Variants in C1orf167 observed in about 807,000 individuals in gnomAD.
C1orf167 encodes uncharacterized protein C1orf167.
A neutral mutation model predicts 176.5 loss-of-function variants in C1orf167; 153 were observed. The observed-to-expected ratio is 0.87, with a 90% CI of 0.76 to 0.99. C1orf167 has a LOEUF of 0.99. C1orf167 is among the 50% of genes least tolerant of loss of function. The probability of loss-of-function intolerance (pLI) is 0.00; values close to 1 mark genes in which losing one functional copy is unlikely to be tolerated. For missense variants in C1orf167, 1,490 were observed against 1,817.7 expected (o/e 0.82, Z 3.28); for synonymous variants, 594 against 752.7 (o/e 0.79, Z 3.45).
At position 11,788,447 on chromosome 1, in the gene C1orf167, T is replaced by C. The variant is rs934294707; in HGVS notation, c.4078+69T>C. 3.2e-6 allele frequency: 4 copies of C among 1,232,452 alleles called. No individual in the cohort carries two copies. The African/African-American group carries it at 4.7e-5, about 14-fold the overall frequency. 76.3% of individuals were successfully genotyped at this position (1,232,452 alleles called of 1,614,324 possible). The stretch of plus-strand genomic sequence containing the variant: ...ACCTCATACTTAACCCAAACCCCTC[T>C]CAAAAGTATGGCCCTTGGACCTACT... On this transcript the variant is annotated intron_variant, in intron 19 of 20. Coordinates refer to ENST00000688073, the MANE Select transcript of C1orf167 (RefSeq NM_001010881.2).
At chr1:11,787,745 C>T (rs1219423532) in intron 17 of C1orf167, 128 bp from the exon 18 acceptor site, 23 of 1,148,004 alleles carry the variant, frequency 2.0e-5, no homozygotes, top group African/African-American at 4.9e-5. Context: ...GAGATGGGGG[C>T]AGGGCACAAG....
At chr1:11,771,787 C>G (rs1305622324) in intron 7 of C1orf167, among the ~76,000 whole-genome samples, 151 bp downstream of exon 7, 1 of 152,184 alleles carries the variant, frequency 6.6e-6, no homozygotes, top group Non-Finnish European at 1.5e-5. Context: ...TCATTTGAGC[C>G]TCACAGTGAC....
rs1198795250 is a variant in C1orf167, at chr1:11,766,061, A to G, written c.275A>G (p.Gln92Arg). Residue 92 changes from glutamine to arginine, a missense_variant, in exon 3 of 21, where the codon CAA (glutamine) becomes CGA (arginine). Transcript: ENST00000688073. The surrounding 1 kb of genome is among the most constrained non-coding windows in gnomAD (Gnocchi z 4.5). ...LGLALKDTTG[Q>R]LVNSSFWQQS... The stretch of plus-strand genomic sequence containing the variant: ...CTAGCTCTGAAGGACACGACTGGCC[A>G]ACTGGTCAATTCAAGCTTCTGGCAA... 3.1e-6 allele frequency: 4 copies of G among 1,289,854 alleles called. No homozygotes were observed. In the Admixed American group the frequency reaches 9.2e-5, roughly 30 times the overall value. The allele number at this position is 1,289,854 out of a possible 1,614,324, so 79.9% of individuals were successfully genotyped here. A position where few individuals can be genotyped will look rare whatever the true frequency, so the allele number is the denominator to read the frequency against.
intron 6 of C1orf167, among the ~76,000 whole-genome samples, chr1:11,771,070 T>TATATATATATATATA (rs1491455421): frequency 1.7e-4 from 4 of 23,244 alleles, no homozygotes; most frequent in Admixed American, 7.6e-4. Context: ...TATATATATA[T>TATATATATATATATA]TTTTTTTTTT....
chr1:11,768,237 C>T lies in C1orf167; in HGVS notation c.1504C>T (p.Gln502Ter). ...REAQLEAAWG[Q>*]YTKVLLVRSF... is the part of the protein sequence containing the mutation. ...GGCTCAGCTGGAGGCAGCATGGGGG[C>T]AGTACACAAAGGTTCTGCTGGTCCG... Residue 502 changes from glutamine to a stop codon, truncating the protein, a stop_gained, in exon 5 of 21, where the codon CAG becomes TAG. Transcript: ENST00000688073. LOFTEE classifies it high-confidence loss of function. This position sits in a 1 kb window ranked among gnomAD's most constrained non-coding sequence, Gnocchi z 4.5. 7.8e-7 allele frequency: 1 copy of T among 1,289,932 alleles called. No homozygotes were observed. The highest frequency in any genetic ancestry group is 1.0e-6 in the Non-Finnish European group (1 of 988,862). The allele number at this position is 1,289,932 out of a possible 1,614,324, so 79.9% of individuals were successfully genotyped here.
chr1:11,763,302 G>A (rs191625439), intron 1 of C1orf167, among the ~76,000 whole-genome samples: 24 of 152,292 alleles, frequency 1.6e-4, no homozygotes, highest in East Asian at 7.7e-4. Context: ...TTAGTCTGGC[G>A]TGGTGGCATG....
rs1026327239 is a variant in C1orf167, at chr1:11,784,568, C to T, written c.3400C>T (p.His1134Tyr). 2.4e-6 allele frequency: 3 copies of T among 1,265,490 alleles called. No individual in the cohort carries two copies. Among genetic ancestry groups the T allele is most frequent in the Non-Finnish European group, 3.1e-6 (3 of 969,124 alleles). 78.4% of individuals were successfully genotyped at this position (1,265,490 alleles called of 1,614,324 possible). A position where few individuals can be genotyped will look rare whatever the true frequency, so the allele number is the denominator to read the frequency against. ...CTGTCGGGGCCAGGTCAGCCGAGCCCATGCTTCCTGGAAGCCGCGAGCCTG... is the reference window on the plus strand; with the variant it reads ...CTGTCGGGGCCAGGTCAGCCGAGCCTATGCTTCCTGGAAGCCGCGAGCCTG... The part of the protein sequence containing the change: ...ESCRGQVSRA[H>Y]ASWKPRAWVL... The change falls in exon 15 of 21, where the codon CAT (histidine) becomes TAT (tyrosine). Residue 1134 changes from histidine (H) to tyrosine (Y), a missense_variant. Coordinates refer to ENST00000688073, the MANE Select transcript of C1orf167 (RefSeq NM_001010881.2).
At chr1:11,785,043 TG>T (rs1447823220) in intron 15 of C1orf167, 104 bp from the exon 16 acceptor site, 2 of 1,031,638 alleles carry the variant, frequency 1.9e-6, no homozygotes, top group Non-Finnish European at 1.2e-6. Flanking sequence ...GGCCCCAGCC[TG>T]GGGCTGGGCC....
In C1orf167 at chr1:11,776,683, G is replaced by A. The variant is rs924266005; in HGVS notation, c.2339+45G>A. ...TGACCTGGGGTTGGGCCTGGGGGCTGTGGGGTGGGCACGTGAGCAGTGCTC... is the reference window on the plus strand; with the variant it reads ...TGACCTGGGGTTGGGCCTGGGGGCTATGGGGTGGGCACGTGAGCAGTGCTC... On this transcript the variant is annotated intron_variant, in intron 10 of 20. Transcript: ENST00000688073. 17 of 1,184,940 alleles carry A rather than the reference G, an allele frequency of 1.4e-5. No individual in the cohort carries two copies. In the African/African-American group the frequency reaches 2.8e-4, roughly 19 times the overall value. The allele number at this position is 1,184,940 out of a possible 1,614,324, so 73.4% of individuals were successfully genotyped here.
rs1267154803 is a variant in C1orf167, at chr1:11,771,622, C to T, written c.1796C>T (p.Ala599Val). ...SRHERVQILQ[A>V]LQLAVFFLWC... is the part of the protein sequence containing the mutation. ...CACGAGAGAGTCCAGATCCTGCAGGCCCTGCAACTGGCTGGTGAGACGTGG... is the reference window on the plus strand; with the variant it reads ...CACGAGAGAGTCCAGATCCTGCAGGTCCTGCAACTGGCTGGTGAGACGTGG... Residue 599 changes from alanine (A) to valine (V), a missense_variant, in exon 7 of 21, where the codon GCC (alanine) becomes GTC (valine). Ala to Val is a moderately conservative substitution (Grantham distance 64, BLOSUM62 0). Transcript: ENST00000688073. 2 of 1,289,496 alleles carry T rather than the reference C, an allele frequency of 1.6e-6. No individual in the cohort carries two copies. The highest frequency in any genetic ancestry group is 2.0e-6 in the Non-Finnish European group (2 of 988,704). The allele number at this position is 1,289,496 out of a possible 1,614,324, so 79.9% of individuals were successfully genotyped here. A position where few individuals can be genotyped will look rare whatever the true frequency, so the allele number is the denominator to read the frequency against.
chr1:11,775,267 CAA>C lies in C1orf167; in HGVS notation c.1989-165_1989-164del, dbSNP rs554346119. Among the ~76,000 whole-genome samples the C allele has an allele frequency of 8.5e-5, 13 of 152,204 alleles. No individual in the cohort carries two copies. In the East Asian group the frequency reaches 1.3e-3, roughly 16 times the overall value. On this transcript the variant is annotated intron_variant, in intron 8 of 20. Transcript: ENST00000688073. ...TCGCACCATTGCACTCCAGCCTGGG[CAA>C]AAGAGTGAAACTCCGTCTACAAACA...
intron 6 of C1orf167, 50 bp downstream of exon 6, chr1:11,769,177 T>C: frequency 4.1e-6 from 4 of 982,626 alleles, no homozygotes; most frequent in Non-Finnish European, 4.8e-6. Context: ...CCCAACTTCC[T>C]GCCTTGCCCC....
At chr1:11,764,567 G>A in intron 2 of C1orf167, 97 bp downstream of exon 2, 1 of 1,029,258 alleles carries the variant, frequency 9.7e-7, no homozygotes, top group South Asian at 1.4e-5. Context: ...CAGCCTATAG[G>A]GCCTGGCTAA....
At position 11,779,858 on chromosome 1, in the gene C1orf167, C is replaced by A. The variant is rs546631188; in HGVS notation, c.2708C>A (p.Ala903Asp). 1 of 1,303,288 alleles carries A rather than the reference C, an allele frequency of 7.7e-7. No homozygotes were observed. The highest frequency in any genetic ancestry group is 1.5e-5 in the African/African-American group (1 of 65,948). 80.7% of individuals were successfully genotyped at this position (1,303,288 alleles called of 1,614,324 possible). The change falls in exon 13 of 21, where the codon GCT becomes GAT. Residue 903 changes from alanine to aspartate, a missense_variant. Transcript: ENST00000688073. ...GCCCAATGGGCCTGGAGAGAGCTGG[C>A]TTCCCACCGGGCCTGGGATCGGACC... Reference protein sequence around the residue: ...ATAQWAWRELASHRAWDRTCR... With the variant: ...ATAQWAWRELDSHRAWDRTCR...
chr1:11,764,980 G>A (rs1330104117), intron 2 of C1orf167, among the ~76,000 whole-genome samples: 1 of 148,366 alleles, frequency 6.7e-6, no homozygotes, highest in Non-Finnish European at 1.5e-5. Flanking sequence ...CTTGTACCCA[G>A]GAGGCGGAGG....
In C1orf167 at chr1:11,765,990, C is replaced by T; in HGVS notation, c.204C>T (p.Pro68=). The change falls in exon 3 of 21, where the codon CCC becomes CCT. Residue 68 remains proline (P), a synonymous_variant. Transcript: ENST00000688073. ...CAGGGGCAGTGCTAGACCAGGAGCC[C>T]TGCCGAGTCCAGACCAACCTGGCCA... ...PSPGAVLDQE[P]CRVQTNLASP... 3 of 1,289,004 alleles carry T rather than the reference C, an allele frequency of 2.3e-6. No homozygotes were observed. The highest frequency in any genetic ancestry group is 3.0e-6 in the Non-Finnish European group (3 of 988,356). 79.8% of individuals were successfully genotyped at this position (1,289,004 alleles called of 1,614,324 possible). A position where few individuals can be genotyped will look rare whatever the true frequency, so the allele number is the denominator to read the frequency against.
At chr1:11,762,445 G>A (rs147193299) in intron 1 of C1orf167, among the ~76,000 whole-genome samples, 140 bp downstream of exon 1, 175 of 152,292 alleles carry the variant, frequency 1.1e-3, no homozygotes, top group Admixed American at 1.8e-3. Context: ...GACGAGGAGC[G>A]GAGAAATGGA....
At position 11,789,566 on chromosome 1, in the gene C1orf167, A is replaced by C. The variant is rs186662631; in HGVS notation, c.*120A>C. On this transcript the variant is annotated 3_prime_UTR_variant, in exon 21 of 21. Coordinates refer to ENST00000688073, the MANE Select transcript of C1orf167 (RefSeq NM_001010881.2). ...GCTTGAAGAGCTCTGAAGGACAATA[A>C]AACCCACTCCTCAGTCCTAGCTGCT... The C allele has an allele frequency of 5.0e-4, 471 of 942,892 alleles. 2 individuals carry two copies. The African/African-American group carries it at 7.7e-3, about 15-fold the overall frequency. The allele number at this position is 942,892 out of a possible 1,614,324, so 58.4% of individuals were successfully genotyped here.
At chr1:11,765,582 C>G (rs1315358764) in intron 2 of C1orf167, among the ~76,000 whole-genome samples, 5 of 83,754 alleles carry the variant, frequency 6.0e-5, no homozygotes, top group South Asian at 3.0e-4. Context: ...TACCCCGATC[C>G]CACCACCGTC....
Sources: gnomAD v4.1 joint callset for allele counts (sites outside exome capture counted in the v4.1 genomes callset) on GRCh38, gnomAD v4.1.1 for gene constraint, Gnocchi (gnomAD v3.1) non-coding constraint, MANE v1.5 for transcripts, NCBI Gene and HGNC (gene_info 2026-07-23, HGNC 2026-07-21) for gene names.